PGM5: variants seen among roughly 807,000 people sequenced by gnomAD.
PGM5 encodes the protein phosphoglucomutase-like protein 5.
A neutral mutation model predicts 59.2 loss-of-function variants in PGM5; 23 were observed. That is an observed-to-expected ratio of 0.39 (90% CI 0.28 to 0.55). The LOEUF is 0.55. Ranked by LOEUF, PGM5 falls within the 20% of genes least tolerant of loss-of-function variation. PGM5 has a pLI of 0.66. For synonymous variants in PGM5, 214 were observed against 286.0 expected, an observed-to-expected ratio of 0.75 and a Z score of 2.54; for missense variants, 574 against 748.3, an observed-to-expected ratio of 0.77 and a Z score of 2.72.
chr9:68,507,640 A>T (rs1041247575), intron 10 of PGM5, among the ~76,000 whole-genome samples: 1 of 150,292 alleles, frequency 6.7e-6, no homozygotes, highest in South Asian at 2.1e-4. Flanking sequence ...GGTGGGTTAG[A>T]TTTCCCTCTA....
chr9:68,460,568 C>T (rs546919844), intron 6 of PGM5, among the ~76,000 whole-genome samples: 4 of 152,234 alleles, frequency 2.6e-5, no homozygotes, highest in East Asian at 1.9e-4. Flanking sequence ...CTAATTCATA[C>T]CTGGAGAAAT....
At chr9:68,481,217 A>C (rs1554687111) in intron 8 of PGM5, among the ~76,000 whole-genome samples, 1 of 152,218 alleles carries the variant, frequency 6.6e-6, no homozygotes, top group East Asian at 1.9e-4. Context: ...GAAGCCCATG[A>C]CTGTACTCGT....
chr9:68,361,294 T>G (rs1834574469), intron 1 of PGM5, among the ~76,000 whole-genome samples: 2 of 152,196 alleles, frequency 1.3e-5, no homozygotes, highest in African/African-American at 4.8e-5. Flanking sequence ...CCTCACTCTT[T>G]GTTTATGTAT....
At position 68,446,562 on chromosome 9, in the gene PGM5, C is replaced by T. The variant is rs543948925; in HGVS notation, c.1044-18531C>T. Among the ~76,000 whole-genome samples, 36 of 152,180 alleles carry T rather than the reference C, an allele frequency of 2.4e-4. No individual in the cohort carries two copies. In the South Asian group the frequency reaches 3.7e-3, roughly 16 times the overall value. On this transcript the variant is annotated intron_variant, in intron 6 of 10. Transcript: ENST00000396396. ...CCTGATTGGTTGTGTACGTGCTGTGCGTGTCTCTGTGTGTATATGTGTTTA... is the reference window on the plus strand; with the variant it reads ...CCTGATTGGTTGTGTACGTGCTGTGTGTGTCTCTGTGTGTATATGTGTTTA...
At chr9:68,380,917 A>G (rs1462102767) in intron 2 of PGM5, among the ~76,000 whole-genome samples, 3 of 151,940 alleles carry the variant, frequency 2.0e-5, no homozygotes, top group African/African-American at 7.2e-5. Flanking sequence ...CCAACAACAA[A>G]TAAAGAAATT....
chr9:68,372,249 C>A (rs545581241), intron 1 of PGM5, among the ~76,000 whole-genome samples: 7 of 145,488 alleles, frequency 4.8e-5, no homozygotes, highest in African/African-American at 1.8e-4. Context: ...CATGGCCACA[C>A]TCTGTAGATG....
intron 6 of PGM5, among the ~76,000 whole-genome samples, chr9:68,462,337 T>G (rs1355749108): frequency 6.6e-6 from 1 of 152,120 alleles, no homozygotes; most frequent in Non-Finnish European, 1.5e-5. Context: ...CAAAAACCCA[T>G]CTAATGCATG....
At chr9:68,467,389 T>C (rs1823951617) in intron 7 of PGM5, among the ~76,000 whole-genome samples, 1 of 152,212 alleles carries the variant, frequency 6.6e-6, no homozygotes, top group Non-Finnish European at 1.5e-5. Context: ...AGTGGCTCTT[T>C]GGAATTCACT....
intron 6 of PGM5, among the ~76,000 whole-genome samples, chr9:68,399,670 G>A (rs1554680370): frequency 6.7e-6 from 1 of 150,102 alleles, no homozygotes; most frequent in Non-Finnish European, 1.5e-5. Context: ...CTTCTTTTTA[G>A]TCTGATGAAT....
At chr9:68,480,910 G>A (rs1426324983) in intron 8 of PGM5, among the ~76,000 whole-genome samples, 1 of 152,118 alleles carries the variant, frequency 6.6e-6, no homozygotes, top group South Asian at 2.1e-4. Flanking sequence ...AGGTATGCTA[G>A]ATATGTGTAC....
chr9:68,529,797 T>G lies in PGM5; in HGVS notation c.*141T>G. ...TTGCTTTTGGGGGATAGAGGGTGGG[T>G]GGGAAAAGAAAAAAAATCCATTTGG... is the stretch of plus-strand genomic sequence containing the variant. On this transcript the variant is annotated 3_prime_UTR_variant, in exon 11 of 11. Coordinates refer to ENST00000396396, the MANE Select transcript of PGM5 (RefSeq NM_021965.4). The G allele has an allele frequency of 2.6e-5, 10 of 383,140 alleles. No homozygotes were observed. Among genetic ancestry groups the G allele is most frequent in the Non-Finnish European group, 4.8e-5 (10 of 206,518 alleles). 23.7% of individuals were successfully genotyped at this position (383,140 alleles called of 1,614,324 possible).
Position 68,496,415 on chromosome 9 carries a change from T to C in PGM5, c.1480-2812T>C, listed in dbSNP as rs567088924. On this transcript the variant is annotated intron_variant, in intron 9 of 10. Transcript: ENST00000396396. ...GGCTGGCTCTAAAGAAACCCTTACA[T>C]TCCATGTGGAGAAGGAGAATTAATG... Among the ~76,000 whole-genome samples, 5 of 152,328 alleles carry C rather than the reference T, an allele frequency of 3.3e-5. No homozygotes were observed. In the South Asian group the frequency reaches 1.0e-3, roughly 32 times the overall value.
chr9:68,394,513 C>T (rs1313892182), intron 6 of PGM5: 2 of 151,842 alleles, frequency 1.3e-5, no homozygotes, highest in Admixed American at 6.6e-5. Flanking sequence ...GGCCATAACA[C>T]GTGGTTCTAA....
intron 9 of PGM5, among the ~76,000 whole-genome samples, chr9:68,490,895 G>A (rs1824379183): frequency 6.6e-6 from 1 of 152,166 alleles, no homozygotes; most frequent in African/African-American, 2.4e-5. Flanking sequence ...AACTGTTTAA[G>A]TGAATGGGCT....
At chr9:68,507,312 G>A (rs1554689077) in intron 10 of PGM5, among the ~76,000 whole-genome samples, 1 of 152,148 alleles carries the variant, frequency 6.6e-6, no homozygotes. Flanking sequence ...ATAATGTGAG[G>A]CGGGAAAGAT....
At chr9:68,397,121 G>C (rs1822528790) in intron 6 of PGM5, 1 of 152,696 alleles carries the variant, frequency 6.5e-6, no homozygotes, top group South Asian at 2.1e-4. Flanking sequence ...TTCTTTTGGG[G>C]CTTTGTCATT....
At chr9:68,422,789 T>C (rs543445067) in intron 6 of PGM5, among the ~76,000 whole-genome samples, 2 of 152,296 alleles carry the variant, frequency 1.3e-5, no homozygotes, top group African/African-American at 4.8e-5. Flanking sequence ...GTAAGTTCTT[T>C]AGTGGTGATT....
At chr9:68,389,504 C>T (rs1554679266) in intron 4 of PGM5, among the ~76,000 whole-genome samples, 1 of 152,196 alleles carries the variant, frequency 6.6e-6, no homozygotes, top group Non-Finnish European at 1.5e-5. Context: ...CAATATGTCA[C>T]CTTTTGCTTC....
chr9:68,509,246 G>T (rs1554689207), intron 10 of PGM5, among the ~76,000 whole-genome samples: 2 of 152,198 alleles, frequency 1.3e-5, no homozygotes, highest in Non-Finnish European at 2.9e-5. Context: ...ACGCTGGCAG[G>T]CCTGACAAAC....
Sources: gnomAD v4.1 joint callset for allele counts (sites outside exome capture counted in the v4.1 genomes callset) on GRCh38, gnomAD v4.1.1 for gene constraint, MANE v1.5 for transcripts, NCBI Gene and HGNC (gene_info 2026-07-23, HGNC 2026-07-21) for gene names.